Variants in ZHX3 observed in about 807,000 individuals in gnomAD.
ZHX3 encodes zinc fingers and homeoboxes 3.
In ZHX3, 20 loss-of-function variants were observed where a neutral mutation model predicts 64.5. That is an observed-to-expected ratio of 0.31 (90% CI 0.22 to 0.45). ZHX3 has a LOEUF of 0.45. Among genes scored for constraint, ZHX3 ranks in the 20% least tolerant of loss-of-function variants. The probability of loss-of-function intolerance (pLI) is 1.00; values close to 1 mark genes in which losing one functional copy is unlikely to be tolerated. For missense variants in ZHX3, 1,041 were observed against 1,195.8 expected (o/e 0.87, Z 1.91); for synonymous variants, 423 against 461.6 (o/e 0.92, Z 1.07).
chr20:41,217,633 G>T (rs997270873), intron 2 of ZHX3, among the ~76,000 whole-genome samples: 7 of 152,158 alleles, frequency 4.6e-5, no homozygotes, highest in African/African-American at 1.7e-4. Flanking sequence ...AAGTTTCCAT[G>T]ACCGAAAAGA....
chr20:41,203,925 T>G lies in ZHX3; in HGVS notation c.992A>C (p.Lys331Thr), dbSNP rs770954242. ...NSFHKFPYPT[K>T]AELCYLTVVT... ...CACAGTCAAATAGCAGAGCTCGGCT[T>G]TGGTGGGGTAGGGGAACTTGTGGAA... Residue 331 changes from lysine (K) to threonine (T), a missense_variant, in exon 3 of 4, where the codon AAA becomes ACA. Coordinates refer to ENST00000683867, the MANE Select transcript of ZHX3 (RefSeq NM_001384317.1). The surrounding 1 kb of genome is among the most constrained non-coding windows in gnomAD (Gnocchi z 7.1). The G allele has an allele frequency of 1.2e-6, 2 of 1,614,046 alleles. No homozygotes were observed. The highest frequency in any genetic ancestry group is 4.5e-5 in the East Asian group (2 of 44,898).
intron 2 of ZHX3, among the ~76,000 whole-genome samples, chr20:41,207,734 A>T (rs1393877261): frequency 6.6e-6 from 1 of 152,282 alleles, no homozygotes; most frequent in African/African-American, 2.4e-5. Context: ...TGCCCACAAG[A>T]GAAAGCAGGA....
chr20:41,192,116 G>A (rs1020186619), intron 3 of ZHX3, among the ~76,000 whole-genome samples: 1 of 152,206 alleles, frequency 6.6e-6, no homozygotes, highest in Non-Finnish European at 1.5e-5. Flanking sequence ...CAAGTGATAT[G>A]TGCTTGTGTT....
rs1009570010 is a variant in ZHX3 at position 41,232,719 on chromosome 20, G to A, written c.-150-27653C>T. ...ATTCTCCTGCCTCAGCCTCCCGCGG[G>A]GGACTACAGGCGCCCACCACCTCGC... On this transcript the variant is annotated intron_variant, in intron 2 of 3. Coordinates refer to ENST00000683867, the MANE Select transcript of ZHX3 (RefSeq NM_001384317.1). The surrounding 1 kb of genome is among the most constrained non-coding windows in gnomAD (Gnocchi z 5.0). Among the ~76,000 whole-genome samples the A allele has an allele frequency of 4.6e-5, 7 of 151,962 alleles. No homozygotes were observed. The highest frequency in any genetic ancestry group is 1.5e-4 in the African/African-American group (6 of 41,378).
rs532915543 is a variant in ZHX3 at position 41,209,003 on chromosome 20, C to T, written c.-150-3937G>A. Among the ~76,000 whole-genome samples the T allele has an allele frequency of 6.6e-5, 10 of 151,586 alleles. No individual in the cohort carries two copies. In the East Asian group the frequency reaches 1.8e-3, roughly 27 times the overall value. The stretch of plus-strand genomic sequence containing the variant: ...GCAACTTCAGCAAAGTCTCAGGATA[C>T]AAAATCAATGTGCAAAAATCACAAG... On this transcript the variant is annotated intron_variant, in intron 2 of 3. Coordinates refer to ENST00000683867, the MANE Select transcript of ZHX3 (RefSeq NM_001384317.1).
chr20:41,249,907 G>C (rs2041905550), intron 2 of ZHX3, among the ~76,000 whole-genome samples: 1 of 152,156 alleles, frequency 6.6e-6, no homozygotes, highest in South Asian at 2.1e-4. Context: ...AGGTGGCCGA[G>C]GGTGTTTCCC....
At chr20:41,281,133 A>G (rs1467023128) in intron 1 of ZHX3, among the ~76,000 whole-genome samples, 1 of 152,252 alleles carries the variant, frequency 6.6e-6, no homozygotes, top group East Asian at 1.9e-4. Flanking sequence ...TTGTATTTGC[A>G]CCAGACTTCT....
rs1392182954 is a variant in ZHX3 at position 41,202,215 on chromosome 20, T to C, written c.2702A>G (p.Asp901Gly). 6 of 1,613,962 alleles carry C rather than the reference T, an allele frequency of 3.7e-6. No individual in the cohort carries two copies. In the African/African-American group the frequency reaches 8.0e-5, roughly 22 times the overall value. ...GAGCTCACCAGTACCAGGGCCCTGG[T>C]CCTCACTGCCTGTGTCTGCCACGGC... ...TRAVADTGSE[D>G]QGPGTGELTA... The change falls in exon 3 of 4, where the codon GAC becomes GGC. Residue 901 changes from aspartate (D) to glycine (G), a missense_variant. Around this residue, in one of 4 missense-constraint regions of ZHX3, gnomAD observed 649 missense variants for 739.8 expected, o/e 0.88. Coordinates refer to ENST00000683867, the MANE Select transcript of ZHX3 (RefSeq NM_001384317.1). The surrounding 1 kb of genome is among the most constrained non-coding windows in gnomAD (Gnocchi z 7.0).
intron 2 of ZHX3, among the ~76,000 whole-genome samples, chr20:41,253,741 A>C (rs73123212): frequency 0.015 from 2,212 of 152,276 alleles, 24 homozygotes; most frequent in Non-Finnish European, 0.026. Flanking sequence ...AAAAACCTAT[A>C]AACAAATAAT....
chr20:41,215,438 T>A (rs1204345120), intron 2 of ZHX3, among the ~76,000 whole-genome samples: 1 of 152,214 alleles, frequency 6.6e-6, no homozygotes, highest in African/African-American at 2.4e-5. Context: ...GTGAGTTTTT[T>A]AGATAAAAAT....
intron 2 of ZHX3, among the ~76,000 whole-genome samples, chr20:41,240,264 C>T (rs898005831): frequency 1.3e-5 from 2 of 152,160 alleles, no homozygotes; most frequent in African/African-American, 4.8e-5. Flanking sequence ...GAGCATGGGA[C>T]AGTAAATCAT....
At chr20:41,303,701 C>A (rs1392137611) in intron 1 of ZHX3, among the ~76,000 whole-genome samples, 4 of 152,206 alleles carry the variant, frequency 2.6e-5, no homozygotes, top group African/African-American at 9.7e-5. Context: ...AGAAGAGACC[C>A]TGTTCAAGCA....
intron 2 of ZHX3, among the ~76,000 whole-genome samples, chr20:41,236,760 A>C (rs1229059924): frequency 3.3e-5 from 5 of 152,226 alleles, no homozygotes; most frequent in African/African-American, 1.2e-4. Context: ...CAAAAGCCAA[A>C]ATTGACAAAT....
intron 3 of ZHX3, among the ~76,000 whole-genome samples, chr20:41,198,809 T>C (rs945759064): frequency 8.5e-5 from 13 of 152,132 alleles, no homozygotes; most frequent in Non-Finnish European, 1.5e-4. Context: ...GCGATTCCTA[T>C]ATGAGTATAT....
At chr20:41,235,549 A>G (rs1224369088) in intron 2 of ZHX3, among the ~76,000 whole-genome samples, 1 of 152,236 alleles carries the variant, frequency 6.6e-6, no homozygotes, top group African/African-American at 2.4e-5. Context: ...GATGCAGAAA[A>G]GGCCTTTGAC....
chr20:41,309,180 C>T (rs1347779959), intron 1 of ZHX3, among the ~76,000 whole-genome samples: 1 of 152,188 alleles, frequency 6.6e-6, no homozygotes, highest in African/African-American at 2.4e-5. Context: ...GTGTTTGCCT[C>T]TGATAGAGCA....
chr20:41,292,013 T>TAAAAAAAA (rs61168786), intron 1 of ZHX3, among the ~76,000 whole-genome samples: 2 of 94,708 alleles, frequency 2.1e-5, no homozygotes, highest in African/African-American at 3.8e-5. Context: ...ACCTCATCTT[T>TAAAAAAAA]AAAAAAAAAA....
intron 3 of ZHX3, among the ~76,000 whole-genome samples, chr20:41,186,325 T>C (rs1348151774): frequency 6.6e-6 from 1 of 152,226 alleles, no homozygotes; most frequent in Non-Finnish European, 1.5e-5. Flanking sequence ...TTGTAGGATA[T>C]ATCAGAATTT....
intron 3 of ZHX3, chr20:41,196,576 AATAT>A (rs1404137696): frequency 1.1e-5 from 1 of 93,234 alleles, no homozygotes; most frequent in Non-Finnish European, 2.0e-5. Context: ...TATATATAAA[AATAT>A]ATATATTTAT....
Sources: allele counts gnomAD v4.1 joint callset (sites outside exome capture counted in the v4.1 genomes callset), GRCh38; gene constraint gnomAD v4.1.1; regional missense constraint gnomAD v4.1.1; non-coding constraint Gnocchi (gnomAD v3.1); transcripts MANE v1.5; gene names NCBI Gene and HGNC (gene_info 2026-07-23, HGNC 2026-07-21).